PCDHA4: variants seen among roughly 807,000 people sequenced by gnomAD.
PCDHA4 encodes the protein protocadherin alpha 4.
In PCDHA4, 49 loss-of-function variants were observed where a neutral mutation model predicts 61.4. The ratio of observed to expected loss-of-function variants is 0.80; its 90% CI spans 0.63 to 1.01. The LOEUF is 1.01. PCDHA4 is among the 50% of genes least tolerant of loss of function. The probability of loss-of-function intolerance (pLI) is 0.00; values close to 1 mark genes in which losing one functional copy is unlikely to be tolerated. For synonymous variants in PCDHA4, 590 were observed against 550.3 expected (o/e 1.07, Z -1.01); for missense variants, 1,254 against 1,235.8 (o/e 1.01, Z -0.22).
intron 1 of PCDHA4, among the ~76,000 whole-genome samples, chr5:140,943,840 G>T (rs528235230): frequency 1.4e-4 from 21 of 152,316 alleles, no homozygotes; most frequent in Non-Finnish European, 2.8e-4. Context: ...GAAGTTGTAA[G>T]ATGTCACAGA....
intron 1 of PCDHA4, chr5:140,882,622 T>C (rs782369081): frequency 1.1e-4 from 185 of 1,614,060 alleles, no homozygotes; most frequent in Non-Finnish European, 1.5e-4. Context: ...AGGTTTTCCA[T>C]GTGGAGGTGA....
chr5:140,884,183 G>A (rs201206731), intron 1 of PCDHA4: 1 of 1,613,424 alleles, frequency 6.2e-7, no homozygotes, highest in Non-Finnish European at 8.5e-7. Flanking sequence ...CCCTCTGGAC[G>A]AGGTGGACGC....
rs200850648 is a variant in PCDHA4, at chr5:140,842,182, T to C, written c.2385+32610T>C. 3.0e-4 allele frequency: 478 copies of C among 1,613,232 alleles called. 6 individuals carry two copies. Among genetic ancestry groups the C allele is most frequent in the African/African-American group, 2.2e-3 (164 of 74,868 alleles). ...ATTCTTTTAATAGCCTTGTTGAAAC[T>C]ATGGTTATTGACCACTTTAGCATAG... is the stretch of plus-strand genomic sequence containing the variant. On this transcript the variant is annotated intron_variant, in intron 1 of 3. Coordinates refer to ENST00000530339, the MANE Select transcript of PCDHA4 (RefSeq NM_018907.4).
chr5:140,983,966 C>A (rs782428444), intron 3 of PCDHA4, among the ~76,000 whole-genome samples: 1 of 152,048 alleles, frequency 6.6e-6, no homozygotes, highest in Non-Finnish European at 1.5e-5. Flanking sequence ...CACATTTGTC[C>A]AAAAAATATA....
intron 1 of PCDHA4, chr5:140,870,101 G>C (rs1345689033): frequency 3.1e-6 from 5 of 1,613,914 alleles, no homozygotes; most frequent in Non-Finnish European, 4.2e-6. Context: ...GCAGGTCACT[G>C]TACAGTCTGG....
chr5:140,848,333 CAG>C, intron 1 of PCDHA4: 1 of 843,614 alleles, frequency 1.2e-6, no homozygotes, highest in African/African-American at 1.7e-5. Flanking sequence ...TCTCTGAATC[CAG>C]ACAAATACAG....
chr5:140,915,615 A>C (rs948306385), intron 1 of PCDHA4, among the ~76,000 whole-genome samples: 5 of 142,332 alleles, frequency 3.5e-5, no homozygotes, highest in Admixed American at 7.1e-5. Flanking sequence ...TCTGTCAAAC[A>C]GTCTCTTTCT....
intron 1 of PCDHA4, among the ~76,000 whole-genome samples, chr5:140,914,220 C>T (rs1210445622): frequency 6.6e-6 from 1 of 152,212 alleles, no homozygotes; most frequent in South Asian, 2.1e-4. Flanking sequence ...TCTCTTTTAG[C>T]TCTAATACTA....
intron 1 of PCDHA4, among the ~76,000 whole-genome samples, chr5:140,844,211 T>G (rs1162021656): frequency 2.0e-5 from 3 of 149,836 alleles, no homozygotes; most frequent in Admixed American, 6.7e-5. Context: ...TGTCTGGTAG[T>G]CACAAATATC....
At chr5:140,861,466 TG>T in intron 1 of PCDHA4, 1 of 493,934 alleles carries the variant, frequency 2.0e-6, no homozygotes, top group Admixed American at 2.1e-5. Flanking sequence ...GAGGTAAATC[TG>T]CAGAATGGCA....
intron 1 of PCDHA4, chr5:140,884,514 CG>C (rs1244903550): frequency 5.0e-6 from 8 of 1,614,058 alleles, no homozygotes; most frequent in Middle Eastern, 1.6e-4. Flanking sequence ...GGGAGTTGGT[CG>C]TACTCGCAGC....
intron 1 of PCDHA4, chr5:140,856,057 C>T: frequency 6.3e-7 from 1 of 1,587,068 alleles, no homozygotes; most frequent in East Asian, 2.2e-5. Flanking sequence ...AGATGGTTTC[C>T]AGATGTAGCT....
At chr5:140,973,628 T>G (rs1005772685) in intron 1 of PCDHA4, among the ~76,000 whole-genome samples, 13 of 152,250 alleles carry the variant, frequency 8.5e-5, no homozygotes, top group Admixed American at 2.6e-4. Context: ...TTCTGTATCT[T>G]GTACACATTC....
At chr5:140,937,844 G>A (rs926736710) in intron 1 of PCDHA4, among the ~76,000 whole-genome samples, 7 of 149,606 alleles carry the variant, frequency 4.7e-5, no homozygotes, top group Non-Finnish European at 8.9e-5. Context: ...CCTGGAAGGC[G>A]GAACTTGGAG....
At chr5:140,929,183 C>G (rs148631412) in intron 1 of PCDHA4, 1 of 1,614,144 alleles carries the variant, frequency 6.2e-7, no homozygotes, top group East Asian at 2.2e-5. Flanking sequence ...GGACTTGGTT[C>G]TGATAATAAC....
At chr5:140,997,406 C>T (rs2097769706) in intron 3 of PCDHA4, among the ~76,000 whole-genome samples, 1 of 152,094 alleles carries the variant, frequency 6.6e-6, no homozygotes, top group Admixed American at 6.6e-5. Flanking sequence ...TATCGTATGG[C>T]CTATTTCTCC....
chr5:140,980,608 G>A (rs994415170), intron 2 of PCDHA4, among the ~76,000 whole-genome samples: 6 of 151,850 alleles, frequency 4.0e-5, no homozygotes, highest in African/African-American at 7.3e-5. Context: ...CCAGCCTGGC[G>A]ACAGTGCGAG....
intron 1 of PCDHA4, chr5:140,884,083 G>C (rs538322622): frequency 1.2e-6 from 2 of 1,613,596 alleles, no homozygotes; most frequent in South Asian, 1.1e-5. Context: ...GCTACAATGC[G>C]TGGCTTTCGT....
At chr5:140,846,407 C>G (rs1780453482) in intron 1 of PCDHA4, among the ~76,000 whole-genome samples, 4 of 124,998 alleles carry the variant, frequency 3.2e-5, no homozygotes, top group Admixed American at 1.8e-4. Context: ...CGGAGTCTCG[C>G]TCTATCTCCC....
Sources: gnomAD v4.1 joint callset for allele counts (sites outside exome capture counted in the v4.1 genomes callset) on GRCh38, gnomAD v4.1.1 for gene constraint, MANE v1.5 for transcripts, NCBI Gene and HGNC (gene_info 2026-07-23, HGNC 2026-07-21) for gene names.